Variants in SND1 observed in about 807,000 individuals in gnomAD.
The protein encoded by SND1 is staphylococcal nuclease and tudor domain containing 1.
SND1 carries 38 observed loss-of-function variants against 121.7 expected under a neutral mutation model. The observed-to-expected ratio is 0.31, with a 90% CI of 0.24 to 0.41. The LOEUF (loss-of-function observed/expected upper bound fraction) is 0.41, where lower values mean the gene tolerates loss of function less well. Ranked by LOEUF, SND1 falls within the 10% of genes least tolerant of loss-of-function variation. The pLI, the probability that SND1 is intolerant of heterozygous loss-of-function variation, is 1.00. For synonymous variants in SND1, 401 were observed against 447.4 expected (o/e 0.90, Z 1.31); for missense variants, 868 against 1,184.6 (o/e 0.73, Z 3.92).
chr7:127,781,688 C>A (rs1797726053), intron 10 of SND1, among the ~76,000 whole-genome samples: 1 of 151,998 alleles, frequency 6.6e-6, no homozygotes, highest in Admixed American at 6.6e-5. Flanking sequence ...TTTTTGCTAA[C>A]CTTAGAGCAA....
intron 16 of SND1, among the ~76,000 whole-genome samples, chr7:128,013,550 T>A (rs371290396): frequency 1.1e-4 from 16 of 152,324 alleles, no homozygotes; most frequent in African/African-American, 3.8e-4. Context: ...GTCCCCAACC[T>A]TTTTGGCACT....
chr7:128,002,032 C>T (rs1037384105), intron 16 of SND1, among the ~76,000 whole-genome samples: 2 of 152,210 alleles, frequency 1.3e-5, no homozygotes, highest in Non-Finnish European at 2.9e-5. Flanking sequence ...TAGGCTGGAT[C>T]TAGGTATGTG....
intron 15 of SND1, among the ~76,000 whole-genome samples, chr7:127,955,483 T>TC (rs1801570801): frequency 6.6e-6 from 1 of 151,998 alleles, no homozygotes; most frequent in African/African-American, 2.4e-5. Flanking sequence ...GCTACTTCTC[T>TC]CCCCCTAGCC....
intron 12 of SND1, among the ~76,000 whole-genome samples, chr7:127,883,218 A>G (rs968056601): frequency 2.6e-5 from 4 of 152,150 alleles, no homozygotes; most frequent in African/African-American, 7.2e-5. Context: ...CTTAGCCACT[A>G]TAAGATAGTA....
chr7:127,946,262 G>C lies in SND1; in HGVS notation c.1669+16933G>C, dbSNP rs1006717442. 3.9e-5 allele frequency among the ~76,000 whole-genome samples: 6 copies of C among 152,230 alleles called. No individual in the cohort carries two copies. In the East Asian group the frequency reaches 1.2e-3, roughly 29 times the overall value. On this transcript the variant is annotated intron_variant, in intron 15 of 23. Coordinates refer to ENST00000354725, the MANE Select transcript of SND1 (RefSeq NM_014390.4). ...GCTAAGACATGTGATCATAGAGCAA[G>C]AGAGAGCAGGTCAGACCTGTGGGAT...
chr7:128,062,655 A>G (rs897801525), intron 16 of SND1, among the ~76,000 whole-genome samples: 1 of 152,150 alleles, frequency 6.6e-6, no homozygotes, highest in Admixed American at 6.5e-5. Context: ...GGCCTGCAAG[A>G]GGGATTGGCG....
chr7:127,861,746 C>G (rs577387653), intron 12 of SND1, among the ~76,000 whole-genome samples: 126 of 152,348 alleles, frequency 8.3e-4, no homozygotes, highest in African/African-American at 2.8e-3. Flanking sequence ...GCTGGGATTA[C>G]AGGCGTGAGC....
Position 128,029,477 on chromosome 7 carries a change from A to G in SND1, c.1779+38421A>G. On this transcript the variant is annotated intron_variant, in intron 16 of 23. Coordinates refer to ENST00000354725, the MANE Select transcript of SND1 (RefSeq NM_014390.4). This position sits in a 1 kb window ranked among gnomAD's most constrained non-coding sequence, Gnocchi z 4.2. ...GGGAGGCGTGGCTGAGCACTGTCCC[A>G]TTGGGCAGCAACCACTTCACGGAGG... is the stretch of plus-strand genomic sequence containing the variant. 1 of 1,614,100 alleles carries G rather than the reference A, an allele frequency of 6.2e-7. No homozygotes were observed. Among genetic ancestry groups the G allele is most frequent in the East Asian group, 2.2e-5 (1 of 44,882 alleles).
chr7:127,666,303 G>A (rs1190944478), intron 1 of SND1, among the ~76,000 whole-genome samples: 1 of 152,192 alleles, frequency 6.6e-6, no homozygotes, highest in African/African-American at 2.4e-5. Flanking sequence ...ATCCTTAAGA[G>A]TTCCCATATT....
chr7:127,814,462 A>G (rs1389408220), intron 11 of SND1, among the ~76,000 whole-genome samples: 2 of 152,076 alleles, frequency 1.3e-5, no homozygotes, highest in South Asian at 2.1e-4. Flanking sequence ...AGAATATCTT[A>G]TGTTGTAGAC....
intron 16 of SND1, among the ~76,000 whole-genome samples, chr7:128,059,827 C>T (rs1228270748): frequency 1.3e-5 from 2 of 152,218 alleles, no homozygotes; most frequent in Non-Finnish European, 2.9e-5. Context: ...CTGCCAAGCA[C>T]AGTCTTCCCC....
chr7:127,872,868 T>G (rs1376177520), intron 12 of SND1, among the ~76,000 whole-genome samples: 1 of 152,204 alleles, frequency 6.6e-6, no homozygotes, highest in Non-Finnish European at 1.5e-5. Context: ...TGGGGAGTCA[T>G]ATTTGGTTAG....
intron 11 of SND1, among the ~76,000 whole-genome samples, chr7:127,808,046 C>T (rs976800009): frequency 6.6e-6 from 1 of 151,906 alleles, no homozygotes; most frequent in Non-Finnish European, 1.5e-5. Context: ...CATCAATGCT[C>T]CCTCTATTCT....
intron 16 of SND1, among the ~76,000 whole-genome samples, chr7:128,073,437 C>T (rs1793448710): frequency 6.6e-6 from 1 of 152,156 alleles, no homozygotes; most frequent in Admixed American, 6.5e-5. Flanking sequence ...CTCTCGGGCC[C>T]TGCCTGTTTT....
intron 9 of SND1, among the ~76,000 whole-genome samples, chr7:127,711,951 T>G (rs1007192865): frequency 2.6e-5 from 4 of 152,194 alleles, no homozygotes. Context: ...TTGATTTTTT[T>G]TTTTTTAGTT....
At chr7:127,852,052 C>T (rs900449836) in intron 12 of SND1, among the ~76,000 whole-genome samples, 5 of 151,826 alleles carry the variant, frequency 3.3e-5, no homozygotes, top group African/African-American at 9.7e-5. Flanking sequence ...CTGAGCTATT[C>T]GGAAGGCTGA....
At chr7:127,748,162 TTG>T (rs2116450107) in intron 10 of SND1, among the ~76,000 whole-genome samples, 1 of 152,354 alleles carries the variant, frequency 6.6e-6, no homozygotes, top group Non-Finnish European at 1.5e-5. Context: ...TCATTCCATG[TTG>T]TCTCCACTGT....
chr7:127,710,893 A>G (rs1216519130), intron 9 of SND1, among the ~76,000 whole-genome samples: 2 of 152,226 alleles, frequency 1.3e-5, no homozygotes, highest in Non-Finnish European at 2.9e-5. Flanking sequence ...GTCAGTATTT[A>G]TTTTAAGTGA....
intron 9 of SND1, among the ~76,000 whole-genome samples, chr7:127,714,124 G>A (rs755335450): frequency 6.6e-6 from 1 of 152,154 alleles, no homozygotes; most frequent in African/African-American, 2.4e-5. Context: ...TCCTCAAGAG[G>A]TGTCTCCTTA....
Sources: allele counts gnomAD v4.1 joint callset (sites outside exome capture counted in the v4.1 genomes callset), GRCh38; gene constraint gnomAD v4.1.1; non-coding constraint Gnocchi (gnomAD v3.1); transcripts MANE v1.5; gene names NCBI Gene and HGNC (gene_info 2026-07-23, HGNC 2026-07-21).